The following MOB3B variants were observed in gnomAD, a reference collection of about 807,000 sequenced individuals.
MOB3B encodes MOB kinase activator 3B, also known as MOB kinase activator-like 2B.
MOB3B carries 7 observed loss-of-function variants against 18.7 expected under a neutral mutation model. The ratio of observed to expected loss-of-function variants is 0.37; its 90% CI spans 0.21 to 0.70. The LOEUF is 0.70. MOB3B is among the 30% of genes least tolerant of loss of function. MOB3B has a pLI of 0.52. For missense variants in MOB3B, 253 were observed against 281.3 expected, an observed-to-expected ratio of 0.90 and a Z score of 0.72; for synonymous variants, 111 against 99.9, an observed-to-expected ratio of 1.11 and a Z score of -0.66.
At chr9:27,420,547 C>CTATATATA (rs1822228701) in intron 2 of MOB3B, among the ~76,000 whole-genome samples, 1 of 44,804 alleles carries the variant, frequency 2.2e-5, no homozygotes, top group Non-Finnish European at 3.9e-5. Context: ...TCTGTATATT[C>CTATATATA]CATATATATA....
At chr9:27,528,635 C>CA (rs1820478177) in intron 1 of MOB3B, among the ~76,000 whole-genome samples, 1 of 152,228 alleles carries the variant, frequency 6.6e-6, no homozygotes, top group Admixed American at 6.5e-5. Context: ...GGGCTTCCTT[C>CA]TCTCCCCAAG....
intron 2 of MOB3B, among the ~76,000 whole-genome samples, chr9:27,418,418 T>C (rs536812852): frequency 1.8e-4 from 27 of 151,964 alleles, no homozygotes; most frequent in Non-Finnish European, 3.5e-4. Flanking sequence ...CTGATGAACA[T>C]AGATGCTAAA....
chr9:27,510,053 T>A (rs1367219883), intron 1 of MOB3B, among the ~76,000 whole-genome samples: 1 of 152,192 alleles, frequency 6.6e-6, no homozygotes, highest in Non-Finnish European at 1.5e-5. Context: ...CAGATTTGAG[T>A]AACACTATGT....
chr9:27,341,365 C>T (rs1218585619), intron 3 of MOB3B, among the ~76,000 whole-genome samples: 1 of 152,128 alleles, frequency 6.6e-6, no homozygotes, highest in African/African-American at 2.4e-5. Context: ...GCCGTTCAGC[C>T]TAGCTGAATT....
intron 2 of MOB3B, among the ~76,000 whole-genome samples, chr9:27,426,865 G>A (rs1182452048): frequency 6.6e-6 from 1 of 152,190 alleles, no homozygotes; most frequent in African/African-American, 2.4e-5. Flanking sequence ...TTAAAAGCAA[G>A]CTCTCAGAGT....
At chr9:27,463,066 C>G (rs1819318443) in intron 1 of MOB3B, among the ~76,000 whole-genome samples, 1 of 152,136 alleles carries the variant, frequency 6.6e-6, no homozygotes, top group Non-Finnish European at 1.5e-5. Flanking sequence ...TTAGCATTAG[C>G]AAGTACTGAA....
intron 2 of MOB3B, among the ~76,000 whole-genome samples, chr9:27,453,835 G>A (rs1822830150): frequency 6.6e-6 from 1 of 152,168 alleles, no homozygotes; most frequent in Non-Finnish European, 1.5e-5. Context: ...AGTAGCCTAT[G>A]ACAGTCAATG....
At chr9:27,448,124 C>T (rs866676796) in intron 2 of MOB3B, among the ~76,000 whole-genome samples, 40 of 152,254 alleles carry the variant, frequency 2.6e-4, no homozygotes, top group Middle Eastern at 6.8e-3. Context: ...AAGAACACCA[C>T]AGACATGAGA....
In MOB3B at chr9:27,328,509, G is replaced by A. The variant is rs900559655; in HGVS notation, c.*2078C>T. On this transcript the variant is annotated 3_prime_UTR_variant, in exon 4 of 4. Coordinates refer to ENST00000262244, the MANE Select transcript of MOB3B (RefSeq NM_024761.5). ...TTAAAAAGATTTGGATTTTTAAATT[G>A]AGTGGAAATTTCATATGCACAGTTA... 1.3e-5 allele frequency: 2 copies of A among 152,098 alleles called. No homozygotes were observed. Among genetic ancestry groups the A allele is most frequent in the African/African-American group, 4.8e-5 (2 of 41,404 alleles). The allele number at this position is 152,098 out of a possible 1,614,324, so 9.4% of individuals were successfully genotyped here. A position where few individuals can be genotyped will look rare whatever the true frequency, so the allele number is the denominator to read the frequency against.
chr9:27,352,538 A>G (rs1248963296), intron 3 of MOB3B, among the ~76,000 whole-genome samples: 6 of 152,216 alleles, frequency 3.9e-5, no homozygotes, highest in African/African-American at 1.4e-4. Flanking sequence ...TGTCTGTCAT[A>G]TGATGATGTG....
chr9:27,529,617 G>A lies in MOB3B; in HGVS notation c.-261C>T, dbSNP rs1006866400. Reference sequence around the variant, plus strand: ...CCCTTCGCCGGGTCAGCTGCAGCCAGCGCGAAAGAAAATGGTGAGCTCGGG... The same window carrying A: ...CCCTTCGCCGGGTCAGCTGCAGCCAACGCGAAAGAAAATGGTGAGCTCGGG... On this transcript the variant is annotated 5_prime_UTR_variant, in exon 1 of 4. Transcript: ENST00000262244. 1.0e-6 allele frequency: 1 copy of A among 985,738 alleles called. No individual in the cohort carries two copies. The highest frequency in any genetic ancestry group is 1.7e-5 in the African/African-American group (1 of 57,368). The allele number at this position is 985,738 out of a possible 1,614,324, so 61.1% of individuals were successfully genotyped here. A position where few individuals can be genotyped will look rare whatever the true frequency, so the allele number is the denominator to read the frequency against.
At chr9:27,510,161 G>A (rs1820122001) in intron 1 of MOB3B, among the ~76,000 whole-genome samples, 1 of 152,208 alleles carries the variant, frequency 6.6e-6, no homozygotes. Flanking sequence ...AGAAGCTTAT[G>A]TGGTAATAGA....
intron 1 of MOB3B, among the ~76,000 whole-genome samples, chr9:27,489,634 G>A (rs577774901): frequency 6.6e-6 from 1 of 152,192 alleles, no homozygotes; most frequent in East Asian, 1.9e-4. Flanking sequence ...TGGGTGATGG[G>A]GGTTGGAGGT....
rs548375777 is a variant in MOB3B at position 27,343,813 on chromosome 9, G to A, written c.622-13197C>T. Among the ~76,000 whole-genome samples, 23 of 151,102 alleles carry A rather than the reference G, an allele frequency of 1.5e-4. No individual in the cohort carries two copies. In the East Asian group the frequency reaches 4.3e-3, roughly 28 times the overall value. On this transcript the variant is annotated intron_variant, in intron 3 of 3. Transcript: ENST00000262244. ...TGGAATGCATTGAAAATTGGTAGCAGCACTGGTTCAGTTCAAGAGAAATAA... is the reference window on the plus strand; with the variant it reads ...TGGAATGCATTGAAAATTGGTAGCAACACTGGTTCAGTTCAAGAGAAATAA...
At chr9:27,511,615 C>T (rs528224680) in intron 1 of MOB3B, among the ~76,000 whole-genome samples, 5 of 152,122 alleles carry the variant, frequency 3.3e-5, no homozygotes, top group African/African-American at 4.8e-5. Context: ...GCAAATTAAT[C>T]ATTTAGCTTC....
chr9:27,425,330 G>A (rs554326390), intron 2 of MOB3B, among the ~76,000 whole-genome samples: 18 of 149,168 alleles, frequency 1.2e-4, no homozygotes, highest in East Asian at 2.0e-4. Flanking sequence ...AGCCGAGAGC[G>A]CGCCATTGCA....
chr9:27,482,185 T>A (rs1200490957), intron 1 of MOB3B, among the ~76,000 whole-genome samples: 1 of 152,192 alleles, frequency 6.6e-6, no homozygotes, highest in East Asian at 1.9e-4. Context: ...ACCCTGTAAT[T>A]TCCGCCCTGT....
intron 2 of MOB3B, chr9:27,394,243 C>G (rs939853619): frequency 1.3e-5 from 2 of 152,090 alleles, no homozygotes; most frequent in African/African-American, 4.8e-5. Flanking sequence ...GTCGTCAAGC[C>G]TCCTTCAAGA....
chr9:27,425,711 T>C (rs1381594533), intron 2 of MOB3B, among the ~76,000 whole-genome samples: 1 of 150,900 alleles, frequency 6.6e-6, no homozygotes, highest in Non-Finnish European at 1.5e-5. Context: ...TGCAGTGGGC[T>C]TATGTCTAAA....
Sources: allele counts gnomAD v4.1 joint callset (sites outside exome capture counted in the v4.1 genomes callset), GRCh38; gene constraint gnomAD v4.1.1; transcripts MANE v1.5; gene names NCBI Gene and HGNC (gene_info 2026-07-23, HGNC 2026-07-21).